The following MED6 variants were observed in gnomAD, a reference collection of about 807,000 sequenced individuals.
MED6 encodes the protein mediator of RNA polymerase II transcription subunit 6.
MED6 carries 33 observed loss-of-function variants against 37.5 expected under a neutral mutation model. The ratio of observed to expected loss-of-function variants is 0.88; its 90% CI spans 0.67 to 1.18. The LOEUF (loss-of-function observed/expected upper bound fraction) is 1.18, where lower values mean the gene tolerates loss of function less well. Ranked by LOEUF, MED6 falls within the 50% of genes most tolerant of loss-of-function variation. MED6 has a pLI of 0.00. For synonymous variants in MED6, 94 were observed against 93.6 expected (o/e 1.00, Z -0.02); for missense variants, 235 against 290.6 (o/e 0.81, Z 1.39).
At chr14:70,599,650 C>T (rs562933630) in intron 1 of MED6, among the ~76,000 whole-genome samples, 1 of 152,276 alleles carries the variant, frequency 6.6e-6, no homozygotes, top group South Asian at 2.1e-4. Context: ...TTTAACACAC[C>T]AAACACACTC....
At chr14:70,592,063 C>A (rs56393609) in intron 5 of MED6, among the ~76,000 whole-genome samples, 7,763 of 152,270 alleles carry the variant, frequency 0.051, 257 homozygotes, top group Middle Eastern at 0.099. Flanking sequence ...AACTTTCCTT[C>A]ATCAAATGTT....
Position 70,593,186 on chromosome 14 carries a change from A to G in MED6, c.357+110T>C, listed in dbSNP as rs894907919. On this transcript the variant is annotated intron_variant, in intron 4 of 7. Transcript: ENST00000256379. ...CAAAGTTCAAGACATTCTAATAGTC[A>G]ATACTTTATAGCAACTTACACAAGG... is the stretch of plus-strand genomic sequence containing the variant. 18 of 1,229,534 alleles carry G rather than the reference A, an allele frequency of 1.5e-5. No homozygotes were observed. The African/African-American group carries it at 2.7e-4, about 19-fold the overall frequency. The allele number at this position is 1,229,534 out of a possible 1,614,324, so 76.2% of individuals were successfully genotyped here. A position where few individuals can be genotyped will look rare whatever the true frequency, so the allele number is the denominator to read the frequency against.
intron 3 of MED6, chr14:70,594,806 CT>C: frequency 1.6e-6 from 1 of 612,550 alleles, no homozygotes; most frequent in Non-Finnish European, 3.0e-6. Flanking sequence ...CATGCAAAGC[CT>C]GAACCTACCC....
intron 6 of MED6, among the ~76,000 whole-genome samples, chr14:70,589,473 A>G (rs1388654494): frequency 1.3e-5 from 2 of 152,130 alleles, no homozygotes; most frequent in Admixed American, 1.3e-4. Flanking sequence ...ATAATTCTCA[A>G]CTAGTCACTT....
Position 70,597,782 on chromosome 14 carries a change from G to C in MED6, c.23-5C>G. 6.5e-7 allele frequency: 1 copy of C among 1,534,192 alleles called. No individual in the cohort carries two copies. The highest frequency in any genetic ancestry group is 8.7e-7 in the Non-Finnish European group (1 of 1,153,750). ...AAGAAATTCCCAGCAGATTGTCTATGGGAAAGAAAACAAAATGATAAAGGA... is the reference window on the plus strand; with the variant it reads ...AAGAAATTCCCAGCAGATTGTCTATCGGAAAGAAAACAAAATGATAAAGGA... On this transcript the variant is annotated splice_region_variant and splice_polypyrimidine_tract_variant and intron_variant, in intron 1 of 7. Transcript: ENST00000256379.
At chr14:70,595,056 T>C (rs562394472) in intron 3 of MED6, 35 of 555,038 alleles carry the variant, frequency 6.3e-5, no homozygotes, top group Non-Finnish European at 7.2e-6. Flanking sequence ...GAGTCAAGTA[T>C]GAGACAGAGC....
chr14:70,594,557 T>G, intron 3 of MED6: 2 of 392,964 alleles, frequency 5.1e-6, no homozygotes, highest in Admixed American at 2.9e-5. Context: ...ACAGCATGAG[T>G]TTCACCACTC....
intron 3 of MED6, among the ~76,000 whole-genome samples, 183 bp from the exon 4 acceptor site, chr14:70,593,561 C>G (rs925412230): frequency 1.3e-5 from 2 of 152,222 alleles, no homozygotes; most frequent in African/African-American, 4.8e-5. Context: ...TATGGCTGCT[C>G]TGGCAATAAT....
chr14:70,597,721 C>T lies in MED6; in HGVS notation c.79G>A (p.Gly27Ser). The change falls in exon 2 of 8, where the codon GGT (glycine) becomes AGT (serine). Residue 27 changes from glycine to serine, a missense_variant. Transcript: ENST00000256379. Reference protein sequence around the residue: ...DSSWIPILNSGSVLDYFSERS... With the variant: ...DSSWIPILNSSSVLDYFSERS... ...TCTGAAAAGTAATCCAGGACACTAC[C>T]ACTGTTCAAAATAGGGATCCAAGAG... is the stretch of plus-strand genomic sequence containing the variant. 6.4e-7 allele frequency: 1 copy of T among 1,561,278 alleles called. No individual in the cohort carries two copies. Among genetic ancestry groups the T allele is most frequent in the Non-Finnish European group, 8.6e-7 (1 of 1,163,448 alleles).
rs200920927 is a variant in MED6, at chr14:70,593,702, TG to T, written c.275-325del. 4.7e-3 allele frequency among the ~76,000 whole-genome samples: 712 copies of T among 152,328 alleles called. 8 individuals are homozygous for T. The highest frequency in any genetic ancestry group is 0.016 in the African/African-American group (674 of 41,560). On this transcript the variant is annotated intron_variant, in intron 3 of 7. Transcript: ENST00000256379. ...AATTTTAATGTGCATCTGAATTACCTGGGGACCTTGTTAAAATTAGATTCTT... is the reference window on the plus strand; with the variant it reads ...AATTTTAATGTGCATCTGAATTACCTGGGACCTTGTTAAAATTAGATTCTT...
intron 6 of MED6, among the ~76,000 whole-genome samples, chr14:70,588,868 C>T (rs1595048016): frequency 6.6e-6 from 1 of 151,982 alleles, no homozygotes; most frequent in East Asian, 1.9e-4. Context: ...TTTAAAATTA[C>T]CATACTTTTC....
rs557182790 is a variant in MED6, at chr14:70,593,002, A to T, written c.358-14T>A. On this transcript the variant is annotated splice_polypyrimidine_tract_variant and intron_variant, in intron 4 of 7. Coordinates refer to ENST00000256379, the MANE Select transcript of MED6 (RefSeq NM_005466.4). ...CACTGCAGTAAGCTTGTAAAAGGAA[A>T]ATAAACTCTAAATTTATCATTAGGT... 6.2e-7 allele frequency: 1 copy of T among 1,612,680 alleles called. No individual in the cohort carries two copies. Among genetic ancestry groups the T allele is most frequent in the East Asian group, 2.2e-5 (1 of 44,852 alleles).
chr14:70,589,007 A>C (rs927733254), intron 6 of MED6, among the ~76,000 whole-genome samples: 1 of 152,134 alleles, frequency 6.6e-6, no homozygotes, highest in African/African-American at 2.4e-5. Context: ...GGGCGGGGAA[A>C]AAAAAGTTGT....
rs1884611984 is a variant in MED6, at chr14:70,583,652, C to A, written c.*1161G>T. The A allele has an allele frequency of 6.5e-6, 1 of 153,692 alleles. No individual in the cohort carries two copies. Among genetic ancestry groups the A allele is most frequent in the African/African-American group, 2.4e-5 (1 of 41,476 alleles). 9.5% of individuals were successfully genotyped at this position (153,692 alleles called of 1,614,324 possible). A position where few individuals can be genotyped will look rare whatever the true frequency, so the allele number is the denominator to read the frequency against. ...AAATAATGTAAACTGGGAAAAATCC[C>A]AAATATAAGACAGAAAGAAAACTGA... On this transcript the variant is annotated 3_prime_UTR_variant, in exon 8 of 8. Transcript: ENST00000256379.
At chr14:70,588,309 A>T (rs557712210) in intron 6 of MED6, among the ~76,000 whole-genome samples, 2 of 152,166 alleles carry the variant, frequency 1.3e-5, no homozygotes, top group African/African-American at 4.8e-5. Flanking sequence ...ATATGATGAT[A>T]TAAGTATGAA....
chr14:70,584,457 C>T lies in MED6; in HGVS notation c.*356G>A, dbSNP rs2139584466. 3.1e-6 allele frequency: 1 copy of T among 318,810 alleles called. No individual in the cohort carries two copies. Among genetic ancestry groups the T allele is most frequent in the South Asian group, 5.3e-5 (1 of 18,808 alleles). The allele number at this position is 318,810 out of a possible 1,614,324, so 19.7% of individuals were successfully genotyped here. A position where few individuals can be genotyped will look rare whatever the true frequency, so the allele number is the denominator to read the frequency against. On this transcript the variant is annotated 3_prime_UTR_variant, in exon 8 of 8. Transcript: ENST00000256379. ...CAGCATGATAATCAGCTCAGGGCAA[C>T]CTCCACCTCCCGGGTTCAAGCAAGT...
chr14:70,598,530 G>A (rs2139605408), intron 1 of MED6, among the ~76,000 whole-genome samples: 1 of 152,166 alleles, frequency 6.6e-6, no homozygotes, highest in Non-Finnish European at 1.5e-5. Flanking sequence ...CTGGGGAAAC[G>A]AAAATCATTT....
chr14:70,592,008 C>T (rs1253363561), intron 5 of MED6, among the ~76,000 whole-genome samples: 2 of 152,106 alleles, frequency 1.3e-5, no homozygotes, highest in South Asian at 4.2e-4. Flanking sequence ...ACTTGGTTAT[C>T]GTAGGGGAAA....
chr14:70,584,236 A>G lies in MED6; in HGVS notation c.*577T>C. ...ATGAAGAAAAAAGTCATGATGAAGC[A>G]ATATATACAAATACCTTTATTTTGC... On this transcript the variant is annotated 3_prime_UTR_variant, in exon 8 of 8. Coordinates refer to ENST00000256379, the MANE Select transcript of MED6 (RefSeq NM_005466.4). 2 of 729,392 alleles carry G rather than the reference A, an allele frequency of 2.7e-6. No individual in the cohort carries two copies. Among genetic ancestry groups the G allele is most frequent in the Non-Finnish European group, 4.9e-6 (2 of 404,306 alleles). The allele number at this position is 729,392 out of a possible 1,614,324, so 45.2% of individuals were successfully genotyped here. A position where few individuals can be genotyped will look rare whatever the true frequency, so the allele number is the denominator to read the frequency against.
Sources: allele counts gnomAD v4.1 joint callset (sites outside exome capture counted in the v4.1 genomes callset), GRCh38; gene constraint gnomAD v4.1.1; transcripts MANE v1.5; gene names NCBI Gene and HGNC (gene_info 2026-07-23, HGNC 2026-07-21).